Variants in CEP120 observed in about 807,000 individuals in gnomAD.
CEP120 encodes centrosomal protein of 120 kDa.
CEP120 carries 113 observed loss-of-function variants against 126.5 expected under a neutral mutation model. That is an observed-to-expected ratio of 0.89 (90% CI 0.77 to 1.04). The LOEUF (loss-of-function observed/expected upper bound fraction) is 1.04. Among genes scored for constraint, CEP120 ranks in the 50% least tolerant of loss-of-function variants. The pLI is 0.00. For synonymous variants in CEP120, 400 were observed against 394.3 expected (o/e 1.01, Z -0.17); for missense variants, 1,230 against 1,155.7 (o/e 1.06, Z -0.93).
At chr5:123,420,676 G>C (rs1469874614) in intron 1 of CEP120, among the ~76,000 whole-genome samples, 1 of 152,178 alleles carries the variant, frequency 6.6e-6, no homozygotes, top group Non-Finnish European at 1.5e-5. Flanking sequence ...GAGTAAAGGA[G>C]GAAGTCTAGA....
At chr5:123,393,229 G>C in intron 6 of CEP120, 71 bp downstream of exon 6, 1 of 1,364,644 alleles carries the variant, frequency 7.3e-7, no homozygotes, top group Non-Finnish European at 1.0e-6. Context: ...CTAAACTCTC[G>C]TTTAGTTTAG....
intron 6 of CEP120, among the ~76,000 whole-genome samples, chr5:123,391,700 T>C (rs1772414427): frequency 6.6e-6 from 1 of 152,168 alleles, no homozygotes; most frequent in Non-Finnish European, 1.5e-5. Flanking sequence ...ACCTCAACAT[T>C]TTTCTTTTTC....
At chr5:123,412,710 C>T (rs1039282926) in intron 3 of CEP120, among the ~76,000 whole-genome samples, 170 bp from the exon 4 acceptor site, 2 of 152,108 alleles carry the variant, frequency 1.3e-5, no homozygotes, top group Non-Finnish European at 2.9e-5. Context: ...AAGCCATCAA[C>T]TGAATTTCCC....
chr5:123,391,305 TC>T lies in CEP120; in HGVS notation c.842del (p.Gly281GlufsTer7), dbSNP rs1772380239. On this transcript the variant is annotated frameshift_variant, in exon 7 of 20. Transcript: ENST00000306467. LOFTEE classifies it high-confidence loss of function. Reference sequence around the variant, plus strand: ...ATCCAGTTAAAGGTATTTCTGTACTTCCAAGTGACTGGTCTCCACAGCAGAG... The same window carrying T: ...ATCCAGTTAAAGGTATTTCTGTACTTCAAGTGACTGGTCTCCACAGCAGAG... ...IHLCCGDQSL[G>X]STEIPLTGLL... The T allele has an allele frequency of 6.2e-7, 1 of 1,613,984 alleles. No individual in the cohort carries two copies.
Position 123,382,190 on chromosome 5 carries a change from T to C in CEP120, c.2024A>G (p.Lys675Arg). 2 of 1,604,020 alleles carry C rather than the reference T, an allele frequency of 1.2e-6. No homozygotes were observed. Among genetic ancestry groups the C allele is most frequent in the Non-Finnish European group, 1.7e-6 (2 of 1,175,338 alleles). ...EDIFENQLKQ[K>R]ELAHMQALAE... ...AAGAGCCTGCATATGAGCCAGTTCT[T>C]TCTGCTTCAGCTACAAAAGGAAGAA... Residue 675 changes from lysine to arginine, a missense_variant, in exon 14 of 20, where the codon AAA becomes AGA. By Grantham distance (26) the Lys-to-Arg change is conservative. Transcript: ENST00000306467.
intron 7 of CEP120, 43 bp downstream of exon 7, chr5:123,391,067 G>A: frequency 7.1e-7 from 1 of 1,402,734 alleles, no homozygotes; most frequent in Non-Finnish European, 9.9e-7. Context: ...AATCATGCAT[G>A]GGACTAGTGA....
intron 13 of CEP120, 25 bp from the exon 14 acceptor site, chr5:123,382,225 C>T (rs1157193353): frequency 1.1e-5 from 16 of 1,500,912 alleles, no homozygotes; most frequent in East Asian, 9.2e-5. Flanking sequence ...AAAATAAAGT[C>T]GCCAAAAAAC....
intron 1 of CEP120, chr5:123,422,529 C>G: frequency 2.0e-6 from 3 of 1,535,552 alleles, no homozygotes; most frequent in Non-Finnish European, 2.6e-6. Context: ...TCCAGCAAGA[C>G]GTGTAAAGGG....
chr5:123,372,790 T>G lies in CEP120; in HGVS notation c.2359-18A>C. On this transcript the variant is annotated intron_variant, in intron 16 of 19. Transcript: ENST00000306467. Reference sequence around the variant, plus strand: ...TCATTAAGCTGTATTAAAAAAAGTTTAGCCATTTCAAAACAATGATATGCA... The same window carrying G: ...TCATTAAGCTGTATTAAAAAAAGTTGAGCCATTTCAAAACAATGATATGCA... 6.4e-7 allele frequency: 1 copy of G among 1,572,812 alleles called. No homozygotes were observed.
chr5:123,352,312 C>T (rs977699715), intron 18 of CEP120, among the ~76,000 whole-genome samples: 4 of 151,960 alleles, frequency 2.6e-5, no homozygotes, highest in Admixed American at 6.6e-5. Context: ...CTGTTTATTC[C>T]TTTTTGGTTA....
At chr5:123,351,224 TAAC>T (rs1039665686) in intron 18 of CEP120, among the ~76,000 whole-genome samples, 2 of 152,154 alleles carry the variant, frequency 1.3e-5, no homozygotes, top group African/African-American at 2.4e-5. Context: ...TTCCCAACAA[TAAC>T]TACTACCCTA....
In CEP120 at chr5:123,382,545, G is replaced by A. The variant is rs74970940; in HGVS notation, c.2013+192C>T. 2.8e-3 allele frequency among the ~76,000 whole-genome samples: 431 copies of A among 152,160 alleles called. 3 individuals are homozygous for A. The East Asian group carries it at 0.029, about 10-fold the overall frequency. On this transcript the variant is annotated intron_variant, in intron 13 of 19. Transcript: ENST00000306467. Reference sequence around the variant, plus strand: ...TCATGAACAAAGTTTACAGAATTCTGAGTGGCTTCTGCCAAGGTGCCACAT... The same window carrying A: ...TCATGAACAAAGTTTACAGAATTCTAAGTGGCTTCTGCCAAGGTGCCACAT...
chr5:123,383,290 G>C (rs1174370916), intron 11 of CEP120, among the ~76,000 whole-genome samples: 1 of 151,844 alleles, frequency 6.6e-6, no homozygotes, highest in Non-Finnish European at 1.5e-5. Context: ...CTAAATACAC[G>C]CATACATTTA....
At chr5:123,358,377 ATTT>A (rs1769808055) in intron 18 of CEP120, 1 of 152,074 alleles carries the variant, frequency 6.6e-6, no homozygotes, top group African/African-American at 2.4e-5. Context: ...TGAAATGTAT[ATTT>A]CATTTTAAAG....
Position 123,393,411 on chromosome 5 carries a change from TTCATTTGTAACA to T in CEP120, c.687_698del (p.Asp229_Asn232del). 6.2e-7 allele frequency: 1 copy of T among 1,614,080 alleles called. No homozygotes were observed. The highest frequency in any genetic ancestry group is 8.5e-7 in the Non-Finnish European group (1 of 1,179,978). On this transcript the variant is annotated inframe_deletion, in exon 6 of 20. Transcript: ENST00000306467. ...TTGGGTTGATTAAATCATTGAAGGG[TTCATTTGTAACA>T]TCATTTCCCAGTAAAGAGTAGTAAA...
At chr5:123,403,428 TG>T (rs1341852658) in intron 4 of CEP120, 3 of 402,104 alleles carry the variant, frequency 7.5e-6, no homozygotes, top group Middle Eastern at 3.6e-4. Context: ...TGCCCAAATC[TG>T]GGACAAACAA....
chr5:123,382,614 G>T, intron 13 of CEP120, 123 bp downstream of exon 13: 1 of 875,854 alleles, frequency 1.1e-6, no homozygotes, highest in African/African-American at 1.7e-5. Flanking sequence ...GTAAAGCATT[G>T]TTGACATTCA....
At chr5:123,416,239 T>C in intron 2 of CEP120, 115 bp from the exon 3 acceptor site, 1 of 649,640 alleles carries the variant, frequency 1.5e-6, no homozygotes, top group South Asian at 1.9e-5. Flanking sequence ...AAACTGTAAC[T>C]ATTTTACATT....
At chr5:123,379,974 C>T (rs1281773748) in intron 14 of CEP120, among the ~76,000 whole-genome samples, 1 of 152,070 alleles carries the variant, frequency 6.6e-6, no homozygotes, top group Non-Finnish European at 1.5e-5. Flanking sequence ...AGCTATCTGA[C>T]AGGCAGTCAT....
Sources: gnomAD v4.1 joint callset for allele counts (sites outside exome capture counted in the v4.1 genomes callset) on GRCh38, gnomAD v4.1.1 for gene constraint, MANE v1.5 for transcripts, NCBI Gene and HGNC (gene_info 2026-07-23, HGNC 2026-07-21) for gene names.